ENAH: variants seen among roughly 807,000 people sequenced by gnomAD.
ENAH encodes ENAH actin regulator, also known as protein enabled homolog.
Under a neutral mutation model 78.7 loss-of-function variants are expected in ENAH, and 23 were observed. The observed-to-expected ratio is 0.29, with a 90% CI of 0.21 to 0.41. The LOEUF (loss-of-function observed/expected upper bound fraction) is 0.41, where lower values mean the gene tolerates loss of function less well. Among genes scored for constraint, ENAH ranks in the 10% least tolerant of loss-of-function variants. The pLI is 1.00. For missense variants in ENAH, 544 were observed against 691.0 expected, an observed-to-expected ratio of 0.79 and a Z score of 2.39; for synonymous variants, 226 against 241.0, an observed-to-expected ratio of 0.94 and a Z score of 0.58.
intron 2 of ENAH, among the ~76,000 whole-genome samples, chr1:225,566,771 A>G (rs1039970306): frequency 4.6e-5 from 7 of 152,238 alleles, no homozygotes; most frequent in Non-Finnish European, 1.0e-4. Context: ...CGCCCCAGAC[A>G]TGAACTGCAA....
At chr1:225,498,524 C>A in intron 12 of ENAH, 120 bp from the exon 13 acceptor site, 1 of 619,272 alleles carries the variant, frequency 1.6e-6, no homozygotes, top group Non-Finnish European at 2.7e-6. Flanking sequence ...GTTTCCAGAG[C>A]CACAATTCTA....
chr1:225,560,859 A>G (rs2096700169), intron 2 of ENAH, among the ~76,000 whole-genome samples: 1 of 152,256 alleles, frequency 6.6e-6, no homozygotes, highest in Admixed American at 6.5e-5. Context: ...AATTGTTCAT[A>G]ACAGAATGCT....
intron 2 of ENAH, among the ~76,000 whole-genome samples, chr1:225,558,040 C>T (rs1222258499): frequency 6.6e-6 from 1 of 152,086 alleles, no homozygotes; most frequent in African/African-American, 2.4e-5. Context: ...TTAAACCAAC[C>T]TTACATTCCT....
chr1:225,564,454 A>ATTTTTTTT (rs71170093), intron 2 of ENAH, among the ~76,000 whole-genome samples: 1 of 122,424 alleles, frequency 8.2e-6, no homozygotes, highest in Non-Finnish European at 1.7e-5. Context: ...ATGCCCGACT[A>ATTTTTTTT]TTTTTTTTTT....
intron 1 of ENAH, among the ~76,000 whole-genome samples, chr1:225,612,120 T>C (rs2096993393): frequency 6.6e-6 from 1 of 152,170 alleles, no homozygotes; most frequent in Non-Finnish European, 1.5e-5. Flanking sequence ...GGTATTCAAA[T>C]ACTTATACAT....
rs1292651340 is a variant in ENAH at position 225,496,826 on chromosome 1, C to T, written c.*949G>A. 1.3e-5 allele frequency: 2 copies of T among 152,596 alleles called. No homozygotes were observed. Among genetic ancestry groups the T allele is most frequent in the Admixed American group, 6.5e-5 (1 of 15,282 alleles). 9.5% of individuals were successfully genotyped at this position (152,596 alleles called of 1,614,324 possible). ...CTTCCTCCCACTCCCCTATACTCTACAAAATGTTTTCCCTGGGACTAGGCC... is the reference window on the plus strand; with the variant it reads ...CTTCCTCCCACTCCCCTATACTCTATAAAATGTTTTCCCTGGGACTAGGCC... On this transcript the variant is annotated 3_prime_UTR_variant, in exon 14 of 14. Transcript: ENST00000366843.
At chr1:225,610,892 A>G (rs2096984570) in intron 1 of ENAH, among the ~76,000 whole-genome samples, 1 of 152,260 alleles carries the variant, frequency 6.6e-6, no homozygotes, top group African/African-American at 2.4e-5. Flanking sequence ...CATCAACCTT[A>G]GAATGAATAA....
intron 3 of ENAH, among the ~76,000 whole-genome samples, chr1:225,552,137 T>C (rs942229974): frequency 6.9e-6 from 1 of 145,562 alleles, no homozygotes; most frequent in Non-Finnish European, 1.5e-5. Flanking sequence ...CCTGATTCTT[T>C]TTTTTTTTTT....
At chr1:225,602,530 A>G (rs2096936037) in intron 1 of ENAH, among the ~76,000 whole-genome samples, 1 of 152,192 alleles carries the variant, frequency 6.6e-6, no homozygotes, top group Admixed American at 6.5e-5. Flanking sequence ...TAGAAGCAGG[A>G]AAACAACTGG....
chr1:225,537,812 T>C (rs1210380529), intron 3 of ENAH, among the ~76,000 whole-genome samples: 2 of 152,056 alleles, frequency 1.3e-5, no homozygotes, highest in African/African-American at 4.8e-5. Context: ...TAACATACTT[T>C]ACCATTAGGC....
At chr1:225,647,292 A>G (rs567690442) in intron 1 of ENAH, among the ~76,000 whole-genome samples, 1 of 152,368 alleles carries the variant, frequency 6.6e-6, no homozygotes, top group African/African-American at 2.4e-5. Flanking sequence ...AATTAAACCA[A>G]TAGAGATGCA....
intron 1 of ENAH, among the ~76,000 whole-genome samples, chr1:225,646,707 T>C (rs894361759): frequency 2.4e-4 from 37 of 151,936 alleles, no homozygotes; most frequent in African/African-American, 8.2e-4. Flanking sequence ...GAGAATGGTG[T>C]GAACCCGGGA....
chr1:225,624,293 T>C (rs1357591513), intron 1 of ENAH, among the ~76,000 whole-genome samples: 1 of 151,816 alleles, frequency 6.6e-6, no homozygotes, highest in Non-Finnish European at 1.5e-5. Context: ...AATTTAAGAT[T>C]AGCTGGTAGA....
rs1213316603 is a variant in ENAH at position 225,493,473 on chromosome 1, T to C, written c.*4302A>G. The stretch of plus-strand genomic sequence containing the variant: ...AAGTTTTGACTTTAAAAATATTAAA[T>C]GGCTTTTAGTGAAAAGGCAGAGGTA... On this transcript the variant is annotated 3_prime_UTR_variant, in exon 14 of 14. Transcript: ENST00000366843. 1 of 152,220 alleles carries C rather than the reference T, an allele frequency of 6.6e-6. No individual in the cohort carries two copies. The highest frequency in any genetic ancestry group is 1.5e-5 in the Non-Finnish European group (1 of 68,038). The allele number at this position is 152,220 out of a possible 1,614,324, so 9.4% of individuals were successfully genotyped here.
chr1:225,502,951 T>C (rs548927799), intron 11 of ENAH, among the ~76,000 whole-genome samples: 131 of 152,336 alleles, frequency 8.6e-4, no homozygotes, highest in Non-Finnish European at 9.1e-4. Flanking sequence ...AGTTATATAA[T>C]GAATACCTCT....
chr1:225,548,288 T>C (rs898664551), intron 3 of ENAH, among the ~76,000 whole-genome samples: 3 of 151,882 alleles, frequency 2.0e-5, no homozygotes. Flanking sequence ...TTAATTCCCA[T>C]GATATCCTGA....
chr1:225,575,441 G>A (rs747852362), intron 1 of ENAH, among the ~76,000 whole-genome samples: 1 of 152,068 alleles, frequency 6.6e-6, no homozygotes, highest in Non-Finnish European at 1.5e-5. Context: ...CACGTACAGG[G>A]TCCACTATAA....
intron 3 of ENAH, among the ~76,000 whole-genome samples, chr1:225,544,654 G>A (rs2096604928): frequency 6.6e-6 from 1 of 152,160 alleles, no homozygotes; most frequent in Non-Finnish European, 1.5e-5. Flanking sequence ...CACAACGTAA[G>A]ACTAAAAGCT....
intron 10 of ENAH, among the ~76,000 whole-genome samples, chr1:225,510,031 A>G (rs1269610234): frequency 6.6e-6 from 1 of 152,228 alleles, no homozygotes; most frequent in Non-Finnish European, 1.5e-5. Context: ...AAGTGGTTGT[A>G]AAAAGGTTAA....
Sources: allele counts gnomAD v4.1 joint callset (sites outside exome capture counted in the v4.1 genomes callset), GRCh38; gene constraint gnomAD v4.1.1; transcripts MANE v1.5; gene names NCBI Gene and HGNC (gene_info 2026-07-23, HGNC 2026-07-21).